The following GALNT13 variants were observed in gnomAD, a reference collection of about 807,000 sequenced individuals.
GALNT13 encodes polypeptide N-acetylgalactosaminyltransferase 13.
GALNT13 carries 28 observed loss-of-function variants against 64.2 expected under a neutral mutation model. That is an observed-to-expected ratio of 0.44 (90% CI 0.32 to 0.60). GALNT13 has a LOEUF of 0.60. Among genes scored for constraint, GALNT13 ranks in the 20% least tolerant of loss-of-function variants. The pLI, the probability that GALNT13 is intolerant of heterozygous loss-of-function variation, is 0.05. For synonymous variants in GALNT13, 214 were observed against 224.6 expected, an observed-to-expected ratio of 0.95 and a Z score of 0.42; for missense variants, 577 against 669.8, an observed-to-expected ratio of 0.86 and a Z score of 1.53.
the GALNT13 span, among the ~76,000 whole-genome samples, chr2:153,412,971 T>A: frequency 3.3e-5 from 5 of 152,156 alleles, no homozygotes; most frequent in Admixed American, 6.6e-5. Context: ...AGAAAATGAC[T>A]AATTATAAAA....
At chr2:154,379,092 A>C (rs1698140943) in intron 9 of GALNT13, among the ~76,000 whole-genome samples, 1 of 152,110 alleles carries the variant, frequency 6.6e-6, no homozygotes, top group African/African-American at 2.4e-5. Context: ...GTGCTTAATA[A>C]ATGATGCTAG....
chr2:154,429,047 C>G (rs1700596801), intron 11 of GALNT13, among the ~76,000 whole-genome samples: 1 of 152,174 alleles, frequency 6.6e-6, no homozygotes, highest in African/African-American at 2.4e-5. Flanking sequence ...ATCTCTCGCT[C>G]CACAGACTGG....
intron 9 of GALNT13, among the ~76,000 whole-genome samples, chr2:154,303,647 C>T (rs538689762): frequency 6.6e-6 from 1 of 152,224 alleles, no homozygotes; most frequent in South Asian, 2.1e-4. Context: ...GACTAACCCA[C>T]ATTACACAGG....
chr2:153,524,544 C>T, the GALNT13 span, among the ~76,000 whole-genome samples: 1 of 152,068 alleles, frequency 6.6e-6, no homozygotes, highest in African/African-American at 2.4e-5. Context: ...GCCACACCTC[C>T]CCCATCTCCC....
At chr2:154,313,967 T>C (rs1268266323) in intron 9 of GALNT13, among the ~76,000 whole-genome samples, 1 of 152,144 alleles carries the variant, frequency 6.6e-6, no homozygotes, top group Non-Finnish European at 1.5e-5. Context: ...TACTTTCCAT[T>C]ACCCTAAACC....
chr2:153,236,232 TA>T, the GALNT13 span, among the ~76,000 whole-genome samples: 5 of 152,060 alleles, frequency 3.3e-5, no homozygotes, highest in East Asian at 9.6e-4. Context: ...CTCCATAACA[TA>T]AAAGTGCAAG....
At chr2:154,015,495 A>G (rs931101415) in intron 3 of GALNT13, among the ~76,000 whole-genome samples, 3 of 152,114 alleles carry the variant, frequency 2.0e-5, no homozygotes, top group Admixed American at 6.6e-5. Context: ...ACTGATTCCT[A>G]GTTCTCTCAG....
the GALNT13 span, among the ~76,000 whole-genome samples, chr2:153,650,195 A>G: frequency 3.3e-5 from 5 of 152,264 alleles, 1 homozygote; most frequent in East Asian, 5.8e-4. Flanking sequence ...TTCTTGTTGA[A>G]TTGATCCCTT....
At chr2:154,142,101 T>G (rs1356476013) in intron 4 of GALNT13, among the ~76,000 whole-genome samples, 1 of 152,198 alleles carries the variant, frequency 6.6e-6, no homozygotes, top group Non-Finnish European at 1.5e-5. Context: ...AATTGTTCTT[T>G]TAAGCACTTA....
At chr2:153,822,928 G>A in the GALNT13 span, among the ~76,000 whole-genome samples, 2 of 152,068 alleles carry the variant, frequency 1.3e-5, no homozygotes, top group Non-Finnish European at 2.9e-5. Context: ...TAAATTTTCT[G>A]ATTACAAAAT....
At chr2:153,277,298 A>G in the GALNT13 span, among the ~76,000 whole-genome samples, 1 of 152,290 alleles carries the variant, frequency 6.6e-6, no homozygotes, top group Non-Finnish European at 1.5e-5. Flanking sequence ...AAATGAGAAC[A>G]TGCTGTATTT....
chr2:153,148,798 C>G, the GALNT13 span, among the ~76,000 whole-genome samples: 5 of 151,590 alleles, frequency 3.3e-5, no homozygotes, highest in African/African-American at 1.2e-4. Context: ...TTTCAAAACA[C>G]AAAGAGAAAA....
At chr2:153,458,115 AT>A in the GALNT13 span, among the ~76,000 whole-genome samples, 1 of 152,268 alleles carries the variant, frequency 6.6e-6, no homozygotes, top group Admixed American at 6.5e-5. Context: ...GCCTCTCTTC[AT>A]CTGTGACTTT....
intron 3 of GALNT13, among the ~76,000 whole-genome samples, chr2:154,014,912 G>T (rs142587490): frequency 1.3e-5 from 2 of 152,104 alleles, no homozygotes; most frequent in East Asian, 3.9e-4. Flanking sequence ...ATTTATAGGC[G>T]TGAGCCACCG....
At chr2:153,126,294 T>TTATATATA in the GALNT13 span, among the ~76,000 whole-genome samples, 15 of 50,950 alleles carry the variant, frequency 2.9e-4, no homozygotes, top group Non-Finnish European at 4.3e-4. Flanking sequence ...AGTATTGATT[T>TTATATATA]TGTATATATA....
At chr2:153,079,907 G>A in the GALNT13 span, among the ~76,000 whole-genome samples, 1 of 152,202 alleles carries the variant, frequency 6.6e-6, no homozygotes, top group Non-Finnish European at 1.5e-5. Context: ...CTCGGGGGCA[G>A]TCCCTCCAAG....
At chr2:153,399,675 T>G in the GALNT13 span, among the ~76,000 whole-genome samples, 740 of 151,868 alleles carry the variant, frequency 4.9e-3, 2 homozygotes, top group African/African-American at 0.017. Context: ...TATTTTATTC[T>G]CTTTGAAGCA....
chr2:154,269,633 T>C (rs1010751939), intron 8 of GALNT13, among the ~76,000 whole-genome samples: 2 of 151,708 alleles, frequency 1.3e-5, no homozygotes, highest in African/African-American at 2.4e-5. Context: ...CCAATCTTAA[T>C]GATTTGGTTC....
rs145375372 is a variant in GALNT13 at position 154,197,328 on chromosome 2, CTT to C, written c.312-44700_312-44699del. On this transcript the variant is annotated intron_variant, in intron 4 of 12. Transcript: ENST00000392825. ...AGAAAGGTGGATAAGGGACCAGAAA[CTT>C]TCATTATTTGTAGATAATATGTTTC... is the stretch of plus-strand genomic sequence containing the variant. 4.6e-3 allele frequency among the ~76,000 whole-genome samples: 701 copies of C among 152,208 alleles called. 6 individuals are homozygous for C. Among genetic ancestry groups the C allele is most frequent in the African/African-American group, 0.016 (667 of 41,542 alleles).
Sources: gnomAD v4.1 joint callset for allele counts (sites outside exome capture counted in the v4.1 genomes callset) on GRCh38, gnomAD v4.1.1 for gene constraint, MANE v1.5 for transcripts, NCBI Gene and HGNC (gene_info 2026-07-23, HGNC 2026-07-21) for gene names.